Variants in GFM2 observed in about 807,000 individuals in gnomAD.
The protein encoded by GFM2 is ribosome-releasing factor 2, mitochondrial.
GFM2 carries 72 observed loss-of-function variants against 95.4 expected under a neutral mutation model. The observed-to-expected ratio is 0.76, with a 90% CI of 0.62 to 0.92. The LOEUF is 0.92. Ranked by LOEUF, GFM2 falls within the 40% of genes least tolerant of loss-of-function variation. GFM2 has a pLI of 0.00. For synonymous variants in GFM2, 276 were observed against 317.5 expected, an observed-to-expected ratio of 0.87 and a Z score of 1.39; for missense variants, 825 against 924.1, an observed-to-expected ratio of 0.89 and a Z score of 1.39.
chr5:74,765,236 G>T, intron 1 of GFM2: 2 of 481,588 alleles, frequency 4.2e-6, no homozygotes, highest in Non-Finnish European at 5.6e-6. Context: ...CCCCGCCCAA[G>T]CCTATTCGTT....
At chr5:74,748,435 TTC>T (rs1743500913) in intron 7 of GFM2, among the ~76,000 whole-genome samples, 4 of 152,256 alleles carry the variant, frequency 2.6e-5, no homozygotes, top group Admixed American at 2.6e-4. Flanking sequence ...CTGTCTTGAT[TTC>T]TGTCACCATA....
chr5:74,732,927 G>GACAC (rs67360841), intron 16 of GFM2, 95 bp downstream of exon 16: 8,700 of 402,454 alleles, frequency 0.022, 96 homozygotes, highest in Admixed American at 0.045. Context: ...TAATGTTTTA[G>GACAC]ACACACACAC....
chr5:74,736,457 G>A (rs1028749533), intron 15 of GFM2: 2 of 984,906 alleles, frequency 2.0e-6, no homozygotes, highest in African/African-American at 1.7e-5. Context: ...TATACATGAT[G>A]ATGACAAACT....
intron 15 of GFM2, among the ~76,000 whole-genome samples, chr5:74,736,085 A>G (rs1014580619): frequency 6.6e-6 from 1 of 152,230 alleles, no homozygotes; most frequent in African/African-American, 2.4e-5. Flanking sequence ...CAAAAAGATT[A>G]GAGCCTGGAT....
chr5:74,733,030 A>G lies in GFM2; in HGVS notation c.1579T>C (p.Ser527Pro). The G allele has an allele frequency of 6.2e-7, 1 of 1,607,394 alleles. No individual in the cohort carries two copies. The highest frequency in any genetic ancestry group is 8.5e-7 in the Non-Finnish European group (1 of 1,174,236). ...PSLKVRLDPD[S>P]GQTVLCGMGE... ...AGCAATAATATACCTACTTGTCCAG[A>G]GTCAGGATCTAGCCTCACTTTCAAA... Residue 527 changes from serine (S) to proline (P), a missense_variant, in exon 16 of 21, where the codon TCT (serine) becomes CCT (proline). Transcript: ENST00000296805.
chr5:74,757,755 A>T (rs978300145), intron 5 of GFM2, among the ~76,000 whole-genome samples: 1 of 144,850 alleles, frequency 6.9e-6, no homozygotes, highest in Non-Finnish European at 1.5e-5. Flanking sequence ...AAAAAAAAAA[A>T]AATTAAAAAA....
intron 19 of GFM2, among the ~76,000 whole-genome samples, chr5:74,722,851 A>C (rs1749975895): frequency 6.6e-6 from 1 of 152,156 alleles, no homozygotes; most frequent in Non-Finnish European, 1.5e-5. Context: ...GTTCATATTT[A>C]AACCTCATGT....
At chr5:74,746,456 A>T (rs1743393193) in intron 8 of GFM2, among the ~76,000 whole-genome samples, 1 of 152,218 alleles carries the variant, frequency 6.6e-6, no homozygotes, top group African/African-American at 2.4e-5. Flanking sequence ...CATTAAATGA[A>T]TTGATCAAGG....
At chr5:74,737,012 C>G in intron 14 of GFM2, 27 bp from the exon 15 acceptor site, 1 of 1,610,338 alleles carries the variant, frequency 6.2e-7, no homozygotes, top group African/African-American at 1.3e-5. Flanking sequence ...TGACTTGGAA[C>G]GAAAGTGGCA....
At chr5:74,730,653 A>G in intron 16 of GFM2, 1 of 294,832 alleles carries the variant, frequency 3.4e-6, no homozygotes, top group Non-Finnish European at 6.2e-6. Flanking sequence ...CTGGGCAAGT[A>G]GCATCTGGCT....
At chr5:74,745,612 T>C in intron 10 of GFM2, 66 bp downstream of exon 10, 1 of 1,348,766 alleles carries the variant, frequency 7.4e-7, no homozygotes, top group Non-Finnish European at 1.0e-6. Flanking sequence ...GATGCTAAAG[T>C]ATGACTATAT....
chr5:74,738,781 ACT>A (rs1454289407), intron 12 of GFM2, 139 bp from the exon 13 acceptor site: 8 of 691,354 alleles, frequency 1.2e-5, no homozygotes, highest in Non-Finnish European at 1.8e-5. Flanking sequence ...TTGTTACGTA[ACT>A]CTCTTCTTCC....
At chr5:74,740,961 A>T (rs1050975313) in intron 11 of GFM2, among the ~76,000 whole-genome samples, 5 of 152,150 alleles carry the variant, frequency 3.3e-5, no homozygotes, top group African/African-American at 1.2e-4. Context: ...ATAAACAGTA[A>T]ATTTGCCAAA....
Position 74,722,563 on chromosome 5 carries a change from TAAAG to T in GFM2, c.2029-6_2029-3del, listed in dbSNP as rs949861101. The T allele has an allele frequency of 6.3e-7, 1 of 1,599,876 alleles. No individual in the cohort carries two copies. The highest frequency in any genetic ancestry group is 8.5e-7 in the Non-Finnish European group (1 of 1,174,326). The stretch of plus-strand genomic sequence containing the variant: ...TTGCTTATCAGCTTTCTTCAGAGCC[TAAAG>T]AAATTAAAGAATGTTAACTTATCTT... On this transcript the variant is annotated splice_polypyrimidine_tract_variant and splice_region_variant and intron_variant, in intron 19 of 20. Coordinates refer to ENST00000296805, the MANE Select transcript of GFM2 (RefSeq NM_032380.5).
At chr5:74,765,717 C>G (rs761933590) in intron 1 of GFM2, among the ~76,000 whole-genome samples, 17 of 152,068 alleles carry the variant, frequency 1.1e-4, no homozygotes, top group Non-Finnish European at 2.1e-4. Context: ...GCTTCAAAGG[C>G]GGGGCTCGGT....
chr5:74,747,804 A>T, intron 7 of GFM2, 24 bp from the exon 8 acceptor site: 1 of 1,345,398 alleles, frequency 7.4e-7, no homozygotes, highest in Non-Finnish European at 1.1e-6. Flanking sequence ...GAGGAAAAAA[A>T]TACATACTGA....
chr5:74,756,165 T>C (rs1743969649), intron 5 of GFM2, among the ~76,000 whole-genome samples: 1 of 152,186 alleles, frequency 6.6e-6, no homozygotes, highest in African/African-American at 2.4e-5. Flanking sequence ...AGCATCCCTC[T>C]ATGATTAAAA....
chr5:74,756,078 A>G (rs1284723638), intron 5 of GFM2, among the ~76,000 whole-genome samples: 1 of 152,166 alleles, frequency 6.6e-6, no homozygotes, highest in African/African-American at 2.4e-5. Flanking sequence ...TAAATGTGAT[A>G]TATCACATAA....
intron 5 of GFM2, among the ~76,000 whole-genome samples, chr5:74,754,290 A>G (rs938347060): frequency 3.4e-5 from 5 of 146,388 alleles, no homozygotes; most frequent in African/African-American, 8.0e-5. Flanking sequence ...AGGACCTATA[A>G]AACAATAATA....
Sources: gnomAD v4.1 joint callset for allele counts (sites outside exome capture counted in the v4.1 genomes callset) on GRCh38, gnomAD v4.1.1 for gene constraint, MANE v1.5 for transcripts, NCBI Gene and HGNC (gene_info 2026-07-23, HGNC 2026-07-21) for gene names.